The following ANKS1B variants were observed in gnomAD, a reference collection of about 807,000 sequenced individuals.
ANKS1B encodes the protein ankyrin repeat and sterile alpha motif domain-containing protein 1B.
In ANKS1B, 36 loss-of-function variants were observed where a neutral mutation model predicts 148.3. The observed-to-expected ratio is 0.24, with a 90% CI of 0.19 to 0.32. ANKS1B has a LOEUF of 0.32. Among genes scored for constraint, ANKS1B ranks in the 10% least tolerant of loss-of-function variants. The pLI, the probability that ANKS1B is intolerant of heterozygous loss-of-function variation, is 1.00. For synonymous variants in ANKS1B, 542 were observed against 560.8 expected (o/e 0.97, Z 0.47); for missense variants, 1,157 against 1,542.6 (o/e 0.75, Z 4.19).
rs67720875 is a variant in ANKS1B at position 99,299,061 on chromosome 12, CT to C, written c.1757-52198del. Among the ~76,000 whole-genome samples, 471 of 142,374 alleles carry C rather than the reference CT, an allele frequency of 3.3e-3. 1 individual carries two copies. The highest frequency in any genetic ancestry group is 6.4e-3 in the African/African-American group (249 of 39,180). 93.4% of individuals were successfully genotyped at this position (142,374 alleles called of 152,430 possible). ...CATTTATCCTATTTCATGTTTGTTG[CT>C]TTTTTTTTTTTTGAGATAGATAGGG... On this transcript the variant is annotated intron_variant, in intron 12 of 26. Transcript: ENST00000683438.
At chr12:99,921,409 G>A (rs1343789552) in intron 1 of ANKS1B, among the ~76,000 whole-genome samples, 1 of 151,982 alleles carries the variant, frequency 6.6e-6, no homozygotes, top group African/African-American at 2.4e-5. Context: ...TCAATTAAAC[G>A]TCTTCCTTTT....
At chr12:99,247,247 C>T (rs752788766) in intron 12 of ANKS1B, among the ~76,000 whole-genome samples, 3 of 152,098 alleles carry the variant, frequency 2.0e-5, no homozygotes, top group African/African-American at 4.8e-5. Context: ...AATGAATCAT[C>T]GTGAAGTAGA....
intron 19 of ANKS1B, among the ~76,000 whole-genome samples, chr12:98,824,426 A>G (rs201422): frequency 0.31 from 46,999 of 152,114 alleles, 9,197 homozygotes; most frequent in East Asian, 0.68. Context: ...TTGGCCTACA[A>G]TGAGCAGGGA....
At position 99,068,425 on chromosome 12, in the gene ANKS1B, G is replaced by A. The variant is rs77443184; in HGVS notation, c.2626-15116C>T. The stretch of plus-strand genomic sequence containing the variant: ...GGCAACTTAACATAAATTACTAGGT[G>A]ATGGAAATTTTTCAGCTCTATTATA... On this transcript the variant is annotated intron_variant, in intron 16 of 26. Coordinates refer to ENST00000683438, the MANE Select transcript of ANKS1B (RefSeq NM_001352186.2). Among the ~76,000 whole-genome samples the A allele has an allele frequency of 4.0e-3, 613 of 152,230 alleles. 23 individuals are homozygous for A. The East Asian group carries it at 0.085, about 21-fold the overall frequency.
intron 14 of ANKS1B, among the ~76,000 whole-genome samples, chr12:99,184,575 T>C (rs568675734): frequency 6.6e-5 from 10 of 152,350 alleles, no homozygotes; most frequent in African/African-American, 2.4e-4. Context: ...AAATAATGCC[T>C]GTTTTGTCTA....
In ANKS1B at chr12:99,719,602, C is replaced by A. The variant is rs1454042540; in HGVS notation, c.1128+53320G>T. 5.3e-5 allele frequency among the ~76,000 whole-genome samples: 8 copies of A among 152,316 alleles called. No individual in the cohort carries two copies. The East Asian group carries it at 1.5e-3, about 29-fold the overall frequency. ...CTCCACTACCTCTCAGCAAGCCGAA[C>A]TCATTGCCTTAAGCCCTCACTCTTG... On this transcript the variant is annotated intron_variant, in intron 8 of 26. Coordinates refer to ENST00000683438, the MANE Select transcript of ANKS1B (RefSeq NM_001352186.2).
intron 12 of ANKS1B, among the ~76,000 whole-genome samples, chr12:99,314,323 G>T (rs1158035136): frequency 6.6e-6 from 1 of 152,178 alleles, no homozygotes. Context: ...AATCAATATT[G>T]TGAAAATGGC....
intron 15 of ANKS1B, among the ~76,000 whole-genome samples, chr12:99,085,380 C>CA (rs2051317407): frequency 6.9e-6 from 1 of 144,892 alleles, no homozygotes; most frequent in African/African-American, 2.5e-5. Context: ...AAAAAAAGAT[C>CA]CAAAAAAAAA....
chr12:98,755,384 C>A (rs1022918322), intron 25 of ANKS1B, among the ~76,000 whole-genome samples: 1 of 152,204 alleles, frequency 6.6e-6, no homozygotes, highest in East Asian at 1.9e-4. Context: ...CATGGTGACA[C>A]CCAGAAAATC....
intron 8 of ANKS1B, among the ~76,000 whole-genome samples, chr12:99,702,262 G>A (rs551828336): frequency 3.9e-4 from 59 of 152,090 alleles, no homozygotes; most frequent in African/African-American, 8.9e-4. Flanking sequence ...ATCTCATTGC[G>A]GATTTATTTG....
intron 14 of ANKS1B, among the ~76,000 whole-genome samples, chr12:99,178,404 C>A (rs1266308072): frequency 6.6e-6 from 1 of 152,194 alleles, no homozygotes; most frequent in Admixed American, 6.5e-5. Context: ...TCATGGGGAA[C>A]CTGCTGTTGG....
At chr12:99,549,202 G>A (rs924630534) in intron 9 of ANKS1B, among the ~76,000 whole-genome samples, 1 of 152,098 alleles carries the variant, frequency 6.6e-6, no homozygotes, top group African/African-American at 2.4e-5. Context: ...CTATACCTCA[G>A]GGCACTAAAG....
intron 9 of ANKS1B, among the ~76,000 whole-genome samples, chr12:99,638,101 T>C (rs2098260496): frequency 6.6e-6 from 1 of 152,068 alleles, no homozygotes; most frequent in Non-Finnish European, 1.5e-5. Context: ...GAAGAACATA[T>C]TTGTTTCCCT....
At chr12:99,373,739 C>A (rs982383281) in intron 12 of ANKS1B, among the ~76,000 whole-genome samples, 2 of 151,832 alleles carry the variant, frequency 1.3e-5, no homozygotes, top group Admixed American at 1.3e-4. Flanking sequence ...ATCTTACAAG[C>A]TTAACTGACA....
intron 17 of ANKS1B, among the ~76,000 whole-genome samples, chr12:98,928,285 A>G (rs1309739714): frequency 6.7e-6 from 1 of 149,302 alleles, no homozygotes; most frequent in South Asian, 2.3e-4. Context: ...TTGGATTCGT[A>G]ATTAAAAAAA....
chr12:98,925,077 C>G (rs1197948390), intron 17 of ANKS1B, among the ~76,000 whole-genome samples: 2 of 152,116 alleles, frequency 1.3e-5, no homozygotes, highest in African/African-American at 4.8e-5. Context: ...CTGATATTTT[C>G]TTTGTTGAGA....
chr12:99,902,046 G>T (rs146795133), intron 1 of ANKS1B, among the ~76,000 whole-genome samples: 2 of 152,278 alleles, frequency 1.3e-5, no homozygotes, highest in East Asian at 3.9e-4. Flanking sequence ...AGATATGGCA[G>T]TAAACAACAA....
chr12:99,333,045 G>A (rs1348246855), intron 12 of ANKS1B, among the ~76,000 whole-genome samples: 1 of 152,088 alleles, frequency 6.6e-6, no homozygotes, highest in Non-Finnish European at 1.5e-5. Flanking sequence ...GATCACGTTT[G>A]TGTTTTAGAA....
intron 9 of ANKS1B, among the ~76,000 whole-genome samples, chr12:99,629,511 C>T (rs1157297265): frequency 6.6e-6 from 1 of 152,038 alleles, no homozygotes; most frequent in Non-Finnish European, 1.5e-5. Context: ...ATTATAAACA[C>T]TTAATATAAA....
Sources: allele counts gnomAD v4.1 joint callset (sites outside exome capture counted in the v4.1 genomes callset), GRCh38; gene constraint gnomAD v4.1.1; transcripts MANE v1.5; gene names NCBI Gene and HGNC (gene_info 2026-07-23, HGNC 2026-07-21).